The following TK2 variants were observed in gnomAD, a reference collection of about 807,000 sequenced individuals.
TK2 encodes the protein thymidine kinase 2.
Under a neutral mutation model 41.9 loss-of-function variants are expected in TK2, and 35 were observed. The ratio of observed to expected loss-of-function variants is 0.84; its 90% CI spans 0.64 to 1.11. The LOEUF (loss-of-function observed/expected upper bound fraction) is 1.11. Ranked by LOEUF, TK2 falls within the 50% of genes least tolerant of loss-of-function variation. The pLI, the probability that TK2 is intolerant of heterozygous loss-of-function variation, is 0.00. For synonymous variants in TK2, 128 were observed against 129.1 expected, an observed-to-expected ratio of 0.99 and a Z score of 0.06; for missense variants, 320 against 351.1, an observed-to-expected ratio of 0.91 and a Z score of 0.71.
intron 6 of TK2, among the ~76,000 whole-genome samples, chr16:66,526,979 G>T (rs1964952261): frequency 6.6e-6 from 1 of 152,322 alleles, no homozygotes; most frequent in South Asian, 2.1e-4. Flanking sequence ...TCCGCCTCGG[G>T]TTACAGTTCT....
At chr16:66,524,484 C>T (rs1459476743) in intron 6 of TK2, among the ~76,000 whole-genome samples, 1 of 152,130 alleles carries the variant, frequency 6.6e-6, no homozygotes, top group Non-Finnish European at 1.5e-5. Context: ...TACAGATGTG[C>T]ACCACCAGGC....
chr16:66,515,827 G>A (rs894769927), intron 8 of TK2, among the ~76,000 whole-genome samples: 6 of 152,160 alleles, frequency 3.9e-5, no homozygotes, highest in African/African-American at 1.2e-4. Context: ...CTGGGCCCTC[G>A]TGGCAGGAAT....
At chr16:66,540,096 C>A (rs1160542164) in intron 3 of TK2, among the ~76,000 whole-genome samples, 3 of 152,088 alleles carry the variant, frequency 2.0e-5, no homozygotes. Context: ...CACATGAACA[C>A]AGCAGGACAA....
chr16:66,544,460 G>C (rs1336449612), intron 2 of TK2, among the ~76,000 whole-genome samples: 1 of 152,188 alleles, frequency 6.6e-6, no homozygotes, highest in Non-Finnish European at 1.5e-5. Flanking sequence ...TCATCTTTGA[G>C]CACGTTTCAA....
intron 3 of TK2, among the ~76,000 whole-genome samples, chr16:66,540,173 CT>C (rs200305417): frequency 0.12 from 16,131 of 130,428 alleles, 751 homozygotes; most frequent in African/African-American, 0.23. Context: ...TTTCTTTTTT[CT>C]TTTTTTTTTT....
chr16:66,533,529 G>A (rs1375192691), intron 4 of TK2, among the ~76,000 whole-genome samples: 1 of 151,846 alleles, frequency 6.6e-6, no homozygotes, highest in Non-Finnish European at 1.5e-5. Flanking sequence ...CAGCTTGGGT[G>A]ATATAGCAAG....
chr16:66,516,884 G>C (rs1195103164), intron 8 of TK2, among the ~76,000 whole-genome samples: 2 of 151,936 alleles, frequency 1.3e-5, no homozygotes, highest in Non-Finnish European at 2.9e-5. Context: ...GGGAGGGGAG[G>C]GGAACGCCTC....
At chr16:66,519,424 C>A (rs1277232868) in intron 6 of TK2, among the ~76,000 whole-genome samples, 1 of 152,202 alleles carries the variant, frequency 6.6e-6, no homozygotes, top group Non-Finnish European at 1.5e-5. Flanking sequence ...AATGATCCAC[C>A]CGCCTCGGCC....
At chr16:66,523,608 C>G (rs2144378613) in intron 6 of TK2, among the ~76,000 whole-genome samples, 1 of 152,212 alleles carries the variant, frequency 6.6e-6, no homozygotes, top group South Asian at 2.1e-4. Context: ...GCAGGCAGAT[C>G]ACTTGAGGTC....
At position 66,541,882 on chromosome 16, in the gene TK2, G is replaced by A. The variant is rs773676328; in HGVS notation, c.228C>T (p.Val76=). 8 of 1,614,076 alleles carry A rather than the reference G, an allele frequency of 5.0e-6. No individual in the cohort carries two copies. The highest frequency in any genetic ancestry group is 2.7e-5 in the African/African-American group (2 of 75,028). The change falls in exon 3 of 10, where the codon GTC becomes GTT. Residue 76 remains valine, a synonymous_variant. Coordinates refer to ENST00000544898, the MANE Select transcript of TK2 (RefSeq NM_004614.5). ...CLEFFSNATD[V]EVLTEPVSKW... ...AAACCTAGCATAGAGGCTGTACCTC[G>A]ACGTCTGTCGCGTTGGAGAAGAATT...
At chr16:66,528,621 G>A (rs374083568) in intron 6 of TK2, among the ~76,000 whole-genome samples, 15 of 152,316 alleles carry the variant, frequency 9.8e-5, no homozygotes, top group African/African-American at 3.6e-4. Context: ...TCTACCCTTT[G>A]TCACCGTGAG....
chr16:66,535,196 C>A (rs1401814403), intron 4 of TK2, among the ~76,000 whole-genome samples: 1 of 152,162 alleles, frequency 6.6e-6, no homozygotes, highest in Non-Finnish European at 1.5e-5. Context: ...AGATTTTTCA[C>A]AAAAGTATCG....
At chr16:66,513,611 TC>T (rs1964514989) in intron 9 of TK2, 119 bp downstream of exon 9, 1 of 904,246 alleles carries the variant, frequency 1.1e-6, no homozygotes. Flanking sequence ...CCACCTTCCT[TC>T]TTCTAAGTTG....
chr16:66,536,119 G>T (rs4783628), intron 4 of TK2, among the ~76,000 whole-genome samples: 1 of 150,966 alleles, frequency 6.6e-6, no homozygotes, highest in African/African-American at 2.4e-5. Context: ...CAGGAGAATC[G>T]CTTGAACCTG....
chr16:66,535,112 C>T (rs1452260106), intron 4 of TK2, among the ~76,000 whole-genome samples: 1 of 152,230 alleles, frequency 6.6e-6, no homozygotes, highest in Non-Finnish European at 1.5e-5. Flanking sequence ...GAGAAACACT[C>T]CCTCTTGCCT....
intron 2 of TK2, among the ~76,000 whole-genome samples, chr16:66,542,572 G>C (rs1327515258): frequency 6.6e-6 from 1 of 152,134 alleles, no homozygotes; most frequent in African/African-American, 2.4e-5. Context: ...GAGGCTTGTA[G>C]AAGACAATAA....
At chr16:66,519,880 T>G (rs989385483) in intron 6 of TK2, among the ~76,000 whole-genome samples, 1 of 151,754 alleles carries the variant, frequency 6.6e-6, no homozygotes, top group Admixed American at 6.6e-5. Context: ...GGGATGAGCA[T>G]GGAAGGAAGT....
At chr16:66,535,599 CTT>C (rs1306728371) in intron 4 of TK2, among the ~76,000 whole-genome samples, 1 of 152,162 alleles carries the variant, frequency 6.6e-6, no homozygotes, top group African/African-American at 2.4e-5. Context: ...CTTTAGTTTT[CTT>C]CCTAGGCCCT....
At position 66,508,422 on chromosome 16, in the gene TK2, T is replaced by C. The variant is rs1964354350; in HGVS notation, c.*3546A>G. Reference sequence around the variant, plus strand: ...CAAGCCCAGGGCAGCCAGGGATGTATTATTGCTATTCCATTCTGAACAATG... The same window carrying C: ...CAAGCCCAGGGCAGCCAGGGATGTACTATTGCTATTCCATTCTGAACAATG... On this transcript the variant is annotated 3_prime_UTR_variant, in exon 10 of 10. Coordinates refer to ENST00000544898, the MANE Select transcript of TK2 (RefSeq NM_004614.5). 6.6e-6 allele frequency: 1 copy of C among 152,246 alleles called. No individual in the cohort carries two copies. Among genetic ancestry groups the C allele is most frequent in the Non-Finnish European group, 1.5e-5 (1 of 68,044 alleles). 9.4% of individuals were successfully genotyped at this position (152,246 alleles called of 1,614,324 possible). A position where few individuals can be genotyped will look rare whatever the true frequency, so the allele number is the denominator to read the frequency against.
Sources: allele counts gnomAD v4.1 joint callset (sites outside exome capture counted in the v4.1 genomes callset), GRCh38; gene constraint gnomAD v4.1.1; transcripts MANE v1.5; gene names NCBI Gene and HGNC (gene_info 2026-07-23, HGNC 2026-07-21).